Variants in CAPS2 observed in about 807,000 individuals in gnomAD.
CAPS2 encodes the protein calcyphosin-2.
In CAPS2, 98 loss-of-function variants were observed where a neutral mutation model predicts 86.5. The ratio of observed to expected loss-of-function variants is 1.13; its 90% CI spans 0.96 to 1.34. The LOEUF is 1.34. CAPS2 is among the 40% of genes most tolerant of loss of function. The pLI is 0.00. For synonymous variants in CAPS2, 210 were observed against 225.1 expected (o/e 0.93, Z 0.60); for missense variants, 729 against 686.8 (o/e 1.06, Z -0.69).
intron 1 of CAPS2, chr12:75,360,384 C>T (rs1255962381): frequency 6.6e-6 from 1 of 152,118 alleles, no homozygotes; most frequent in Non-Finnish European, 1.5e-5. Flanking sequence ...CCTGTAAAAT[C>T]AAAAACAAGT....
chr12:75,323,266 A>G, intron 2 of CAPS2, 44 bp from the exon 4 acceptor site: 2 of 1,440,926 alleles, frequency 1.4e-6, no homozygotes, highest in Non-Finnish European at 1.9e-6. Flanking sequence ...TTAACATGAA[A>G]CTTTAATAAA....
chr12:75,329,857 C>T (rs1443495202), upstream of CAPS2: 7 of 1,543,894 alleles, frequency 4.5e-6, no homozygotes, highest in Middle Eastern at 1.7e-4. Context: ...AGGAATTCCC[C>T]ATCCCCTACC....
chr12:75,370,585 A>G (rs529525714), intron 1 of CAPS2: 1 of 156,562 alleles, frequency 6.4e-6, no homozygotes, highest in South Asian at 1.9e-4. Context: ...TTTTTCAGAT[A>G]GCATGTAATG....
At chr12:75,310,552 T>C (rs1463639045) in intron 7 of CAPS2, among the ~76,000 whole-genome samples, 1 of 152,052 alleles carries the variant, frequency 6.6e-6, no homozygotes, top group Admixed American at 6.5e-5. Context: ...CAAGGTCCAA[T>C]GGTGGGCTTG....
At chr12:75,278,004 T>C in exon 17 of CAPS2, 5 of 893,404 alleles carry the variant, frequency 5.6e-6, no homozygotes, top group Non-Finnish European at 5.4e-6. Flanking sequence ...AAAATATGCT[T>C]TCACATTTTA....
At chr12:75,358,048 C>T (rs1193562179) in intron 1 of CAPS2, among the ~76,000 whole-genome samples, 1 of 149,376 alleles carries the variant, frequency 6.7e-6, no homozygotes, top group African/African-American at 2.5e-5. Context: ...TTAAAAACAT[C>T]GATGAAAACT....
intron 1 of CAPS2, chr12:75,360,701 G>A (rs886074660): frequency 6.6e-6 from 1 of 152,212 alleles, no homozygotes; most frequent in Non-Finnish European, 1.5e-5. Flanking sequence ...CTGAGGTCTG[G>A]AGAATGGTGG....
intron 2 of CAPS2, 59 bp downstream of exon 3, chr12:75,325,180 T>C: frequency 6.9e-7 from 1 of 1,449,916 alleles, no homozygotes. Flanking sequence ...TTTTAACTAG[T>C]CAATGTATGT....
chr12:75,275,984 T>C (rs1019331236), downstream of CAPS2: 2 of 379,374 alleles, frequency 5.3e-6, no homozygotes, highest in African/African-American at 2.1e-5. Context: ...GTGGCTCCAA[T>C]ATGAAACATT....
intron 1 of CAPS2, among the ~76,000 whole-genome samples, chr12:75,375,699 A>G (rs1222616649): frequency 6.6e-6 from 1 of 152,158 alleles, no homozygotes; most frequent in Non-Finnish European, 1.5e-5. Flanking sequence ...CTTCCTATCA[A>G]TTTTACTTCT....
intron 7 of CAPS2, chr12:75,305,302 T>A: frequency 4.0e-6 from 1 of 247,954 alleles, no homozygotes; most frequent in East Asian, 1.0e-4. Flanking sequence ...GAGAGAAGAG[T>A]TTATGAAAGG....
chr12:75,291,567 GTATATATATATATATATATATATATATA>G lies in CAPS2; in HGVS notation c.1240+149_1240+176del, dbSNP rs66622366. The stretch of plus-strand genomic sequence containing the variant: ...ATATATATATAGCTTATTTTTAAAA[GTATATATATATATATATATATATATATA>G]TATATATATATATATATTCTTTTTT... On this transcript the variant is annotated intron_variant, in intron 13 of 16. Transcript: ENST00000393284. Among the ~76,000 whole-genome samples the G allele has an allele frequency of 6.5e-3, 180 of 27,702 alleles. 5 individuals carry two copies. The highest frequency in any genetic ancestry group is 0.017 in the South Asian group (12 of 704). The allele number at this position is 27,702 out of a possible 152,430, so 18.2% of individuals were successfully genotyped here.
At chr12:75,322,358 CT>C (rs1233359691) in intron 4 of CAPS2, among the ~76,000 whole-genome samples, 1 of 152,090 alleles carries the variant, frequency 6.6e-6, no homozygotes, top group Admixed American at 6.5e-5. Context: ...CCAAAACGAG[CT>C]TTTTATAAAG....
intron 14 of CAPS2, among the ~76,000 whole-genome samples, chr12:75,285,713 G>A (rs2034756755): frequency 6.6e-6 from 1 of 151,824 alleles, no homozygotes; most frequent in Admixed American, 6.6e-5. Context: ...ATATGTGTGT[G>A]TGTCTGTGTA....
chr12:75,320,111 C>G (rs1001565645), intron 5 of CAPS2, among the ~76,000 whole-genome samples: 1 of 151,938 alleles, frequency 6.6e-6, no homozygotes, highest in African/African-American at 2.4e-5. Flanking sequence ...AGCATATTTT[C>G]CAGAAGAATT....
intron 1 of CAPS2, among the ~76,000 whole-genome samples, chr12:75,357,985 A>G (rs1383664423): frequency 6.6e-6 from 1 of 151,416 alleles, no homozygotes; most frequent in African/African-American, 2.4e-5. Context: ...AAAAAAAAAA[A>G]GTAATAACAA....
intron 1 of CAPS2, among the ~76,000 whole-genome samples, chr12:75,362,368 G>GT (rs932060499): frequency 6.6e-6 from 1 of 152,158 alleles, no homozygotes; most frequent in Non-Finnish European, 1.5e-5. Context: ...TGGGGACAAT[G>GT]TGAGGGCCAT....
At chr12:75,319,530 G>A (rs542855988) in intron 5 of CAPS2, among the ~76,000 whole-genome samples, 10 of 152,258 alleles carry the variant, frequency 6.6e-5, no homozygotes, top group African/African-American at 2.4e-4. Flanking sequence ...CTAGCCAACA[G>A]ACTCATGAAG....
intron 1 of CAPS2, chr12:75,364,874 T>C (rs2043861955): frequency 6.6e-6 from 1 of 152,194 alleles, no homozygotes; most frequent in African/African-American, 2.4e-5. Context: ...GGAGGCTTTG[T>C]CATGGGTATC....
Sources: gnomAD v4.1 joint callset for allele counts (sites outside exome capture counted in the v4.1 genomes callset) on GRCh38, gnomAD v4.1.1 for gene constraint, MANE v1.5 for transcripts, NCBI Gene and HGNC (gene_info 2026-07-23, HGNC 2026-07-21) for gene names.